PCSK2: variants seen among roughly 807,000 people sequenced by gnomAD.
The protein encoded by PCSK2 is proprotein convertase subtilisin/kexin type 2, also known as neuroendocrine convertase 2.
A neutral mutation model predicts 69.7 loss-of-function variants in PCSK2; 14 were observed. The ratio of observed to expected loss-of-function variants is 0.20; its 90% CI spans 0.13 to 0.31. The LOEUF is 0.31. PCSK2 is among the 10% of genes least tolerant of loss of function. PCSK2 has a pLI of 1.00. For missense variants in PCSK2, 544 were observed against 842.5 expected, an observed-to-expected ratio of 0.65 and a Z score of 4.39; for synonymous variants, 307 against 320.7, an observed-to-expected ratio of 0.96 and a Z score of 0.46.
intron 1 of PCSK2, among the ~76,000 whole-genome samples, chr20:17,234,372 T>C (rs1986254489): frequency 1.3e-5 from 2 of 152,204 alleles, no homozygotes; most frequent in African/African-American, 4.8e-5. Context: ...TGACTACAGT[T>C]GGACCACAAG....
At chr20:17,239,343 G>A (rs1600399813) in intron 1 of PCSK2, among the ~76,000 whole-genome samples, 1 of 152,188 alleles carries the variant, frequency 6.6e-6, no homozygotes, top group Non-Finnish European at 1.5e-5. Context: ...TCTAGGAACT[G>A]TCAGCCAAGA....
At chr20:17,339,512 G>T (rs1188658566) in intron 2 of PCSK2, among the ~76,000 whole-genome samples, 1 of 151,856 alleles carries the variant, frequency 6.6e-6, no homozygotes, top group African/African-American at 2.4e-5. Flanking sequence ...TGTTTTTGTT[G>T]TTGTTGTTTC....
At chr20:17,436,616 C>G (rs1382955204) in intron 7 of PCSK2, 92 bp from the exon 8 acceptor site, 8 of 1,117,118 alleles carry the variant, frequency 7.2e-6, no homozygotes, top group Non-Finnish European at 9.1e-6. Flanking sequence ...CCAACCATTC[C>G]AAGTACCCAG....
intron 6 of PCSK2, among the ~76,000 whole-genome samples, chr20:17,427,752 TTG>T (rs561023215): frequency 9.9e-4 from 150 of 152,246 alleles, no homozygotes; most frequent in African/African-American, 3.5e-3. Flanking sequence ...TGGGGGCTGA[TTG>T]GTTTAGGATG....
intron 11 of PCSK2, among the ~76,000 whole-genome samples, chr20:17,466,409 CACAATTCGTTTATTCATTCTACCTGTGGG>C (rs1016749780): frequency 6.6e-6 from 1 of 152,154 alleles, no homozygotes; most frequent in African/African-American, 2.4e-5. Context: ...ATGACTATAA[CACAATTCGTTTATTCATTCTACCTGTGGG>C]ACAATCTAAG....
intron 4 of PCSK2, among the ~76,000 whole-genome samples, chr20:17,366,405 T>C (rs1382871238): frequency 1.3e-5 from 2 of 152,208 alleles, no homozygotes; most frequent in African/African-American, 4.8e-5. Flanking sequence ...GGTACCCCCA[T>C]AGGCTGTGAG....
chr20:17,325,406 T>C (rs557597202), intron 2 of PCSK2, among the ~76,000 whole-genome samples: 1 of 152,242 alleles, frequency 6.6e-6, no homozygotes, highest in Non-Finnish European at 1.5e-5. Flanking sequence ...ATATTTTCAA[T>C]GAGAAAGATG....
chr20:17,234,992 T>A (rs1223989920), intron 1 of PCSK2, among the ~76,000 whole-genome samples: 2 of 152,182 alleles, frequency 1.3e-5, no homozygotes, highest in African/African-American at 4.8e-5. Context: ...TTAAGGTGTA[T>A]TTATTTAGCT....
intron 1 of PCSK2, among the ~76,000 whole-genome samples, chr20:17,248,645 G>A (rs950792916): frequency 4.6e-5 from 7 of 152,286 alleles, no homozygotes; most frequent in African/African-American, 1.7e-4. Flanking sequence ...TTGCATAAGA[G>A]TAAGCTCGTC....
chr20:17,376,061 C>T (rs574540001), intron 5 of PCSK2, among the ~76,000 whole-genome samples: 3 of 152,286 alleles, frequency 2.0e-5, no homozygotes, highest in East Asian at 3.9e-4. Context: ...CCTCTGCCAT[C>T]GCCATTAGAA....
chr20:17,428,997 C>CAAAAAAAAAAAAAAA (rs60206058), intron 6 of PCSK2, among the ~76,000 whole-genome samples: 14 of 36,952 alleles, frequency 3.8e-4, no homozygotes, highest in South Asian at 1.5e-3. Flanking sequence ...GACTCTGTCT[C>CAAAAAAAAAAAAAAA]AAAAAAAAAA....
At chr20:17,348,033 A>AAGAAAG (rs1187626751) in intron 2 of PCSK2, among the ~76,000 whole-genome samples, 2 of 85,494 alleles carry the variant, frequency 2.3e-5, no homozygotes. Context: ...GAAAGAAAGA[A>AAGAAAG]GAAAGAAAGA....
chr20:17,480,824 T>C (rs1182152574), intron 11 of PCSK2, among the ~76,000 whole-genome samples: 1 of 152,306 alleles, frequency 6.6e-6, no homozygotes, highest in African/African-American at 2.4e-5. Context: ...TAAAAACCTG[T>C]CAGTCACTGG....
chr20:17,348,046 GAAAGGAAAGAAAGAAAGAAA>G (rs1568612645), intron 2 of PCSK2, among the ~76,000 whole-genome samples: 13 of 43,584 alleles, frequency 3.0e-4, no homozygotes, highest in South Asian at 1.2e-3. Flanking sequence ...AAGAAAGAAA[GAAAGGAAAGAAAGAAAGAAA>G]GAAAGAAAGA....
chr20:17,428,134 C>A (rs762523346), intron 6 of PCSK2, among the ~76,000 whole-genome samples: 2 of 152,158 alleles, frequency 1.3e-5, no homozygotes, highest in Non-Finnish European at 2.9e-5. Flanking sequence ...TCCTCTCCCC[C>A]GCTTAAGGGC....
intron 5 of PCSK2, among the ~76,000 whole-genome samples, chr20:17,371,626 T>A (rs1438384461): frequency 1.3e-5 from 2 of 152,200 alleles, no homozygotes; most frequent in African/African-American, 4.8e-5. Flanking sequence ...CCATTCTTAT[T>A]ATTTTGACAT....
chr20:17,461,539 A>C (rs919722349), intron 10 of PCSK2, among the ~76,000 whole-genome samples: 1 of 152,240 alleles, frequency 6.6e-6, no homozygotes, highest in African/African-American at 2.4e-5. Context: ...TCTCCTGTTG[A>C]CTTCTAGAAT....
At chr20:17,479,817 AAAAAG>A (rs78118455) in intron 11 of PCSK2, among the ~76,000 whole-genome samples, 30 of 149,300 alleles carry the variant, frequency 2.0e-4, no homozygotes, top group Non-Finnish European at 3.0e-4. Flanking sequence ...AAAAAAAAAA[AAAAAG>A]AACTATCCAC....
rs551832794 is a variant in PCSK2 at position 17,297,292 on chromosome 20, A to G, written c.282+36948A>G. Among the ~76,000 whole-genome samples, 3 of 152,326 alleles carry G rather than the reference A, an allele frequency of 2.0e-5. No individual in the cohort carries two copies. The East Asian group carries it at 5.8e-4, about 29-fold the overall frequency. ...TTGGGTCTTGTAAACCATGGCAGTAAGCTTGCATTTCCTTTGAAGAGGGAA... is the reference window on the plus strand; with the variant it reads ...TTGGGTCTTGTAAACCATGGCAGTAGGCTTGCATTTCCTTTGAAGAGGGAA... On this transcript the variant is annotated intron_variant, in intron 2 of 11. Transcript: ENST00000262545.
Sources: gnomAD v4.1 joint callset for allele counts (sites outside exome capture counted in the v4.1 genomes callset) on GRCh38, gnomAD v4.1.1 for gene constraint, MANE v1.5 for transcripts, NCBI Gene and HGNC (gene_info 2026-07-23, HGNC 2026-07-21) for gene names.